Variants in ZNF347 observed in about 807,000 individuals in gnomAD.
ZNF347 encodes zinc finger protein 347, also known as CTD-2620I22.7.
In ZNF347, 19 loss-of-function variants were observed where a neutral mutation model predicts 12.9. The ratio of observed to expected loss-of-function variants is 1.47; its 90% CI spans 1.03 to 2.16. The LOEUF (loss-of-function observed/expected upper bound fraction) is 2.16, where lower values mean the gene tolerates loss of function less well. Ranked by LOEUF, ZNF347 falls within the 30% of genes most tolerant of loss-of-function variation. The pLI is 0.00. For missense variants in ZNF347, 1,005 were observed against 990.6 expected (o/e 1.01, Z -0.19); for synonymous variants, 328 against 340.6 (o/e 0.96, Z 0.41).
At chr19:53,151,949 C>T (rs62115499) in intron 2 of ZNF347, among the ~76,000 whole-genome samples, 101 of 151,690 alleles carry the variant, frequency 6.7e-4, no homozygotes, top group Admixed American at 2.1e-3. Context: ...AGAAATTAGC[C>T]GGGTGTGGTG....
intron 2 of ZNF347, among the ~76,000 whole-genome samples, chr19:53,151,962 G>A (rs771977660): frequency 6.6e-6 from 1 of 151,588 alleles, no homozygotes; most frequent in Non-Finnish European, 1.5e-5. Flanking sequence ...GTGTGGTGGT[G>A]GACATCTGTA....
rs140580030 is a variant in ZNF347, at chr19:53,140,656, T to G, written c.2172A>C (p.Leu724=). The change falls in exon 5 of 5, where the codon CTA becomes CTC. Residue 724 remains leucine, a synonymous_variant. Transcript: ENST00000334197. ...CAGTATGGATTGCCTGATGGGTAGT[T>G]AGGCTTGAACGGACACTAAAGGCTT... ...CGKAFSVRSS[L]TTHQAIHTGK... is the part of the protein sequence containing the mutation. The G allele has an allele frequency of 4.1e-4, 657 of 1,613,658 alleles. 2 individuals carry two copies. In the African/African-American group the frequency reaches 6.0e-3, roughly 15 times the overall value.
In ZNF347 at chr19:53,140,723, ACT is replaced by A. The variant is rs755067634; in HGVS notation, c.2103_2104del (p.Arg701SerfsTer9). 76 of 1,612,812 alleles carry A rather than the reference ACT, an allele frequency of 4.7e-5. No homozygotes were observed. Among genetic ancestry groups the A allele is most frequent in the Non-Finnish European group, 6.3e-5 (74 of 1,179,556 alleles). On this transcript the variant is annotated frameshift_variant, in exon 5 of 5. Coordinates refer to ENST00000334197, the MANE Select transcript of ZNF347 (RefSeq NM_032584.3). LOFTEE classifies it low-confidence loss of function (END_TRUNC). Reference sequence around the variant, plus strand: ...CTCATATGGTTTCTCTCCAGTATGAACTCTCTGATGCCTTGCAAGCTTTGATG... The same window carrying A: ...CTCATATGGTTTCTCTCCAGTATGAACTCTGATGCCTTGCAAGCTTTGATG...
chr19:53,153,999 G>A (rs1295883531), intron 1 of ZNF347, among the ~76,000 whole-genome samples: 1 of 152,110 alleles, frequency 6.6e-6, no homozygotes, highest in Non-Finnish European at 1.5e-5. Context: ...ATCAATAAGT[G>A]AGTTTCTGAC....
intron 4 of ZNF347, among the ~76,000 whole-genome samples, chr19:53,148,289 A>G (rs937330376): frequency 2.0e-5 from 3 of 152,258 alleles, no homozygotes; most frequent in African/African-American, 7.2e-5. Flanking sequence ...CTTAAAATTT[A>G]GCTAACTATA....
rs576247733 is a variant in ZNF347 at position 53,154,021 on chromosome 19, G to A, written c.-46-228C>T. Among the ~76,000 whole-genome samples, 26 of 152,152 alleles carry A rather than the reference G, an allele frequency of 1.7e-4. No individual in the cohort carries two copies. In the East Asian group the frequency reaches 3.9e-3, roughly 23 times the overall value. On this transcript the variant is annotated intron_variant, in intron 1 of 4. Transcript: ENST00000334197. ...AGTGAGTTTCTGACCCCTTTCTTCA[G>A]AACCCACTCTCCTCCTGGAGAAGCC...
intron 4 of ZNF347, among the ~76,000 whole-genome samples, chr19:53,148,339 T>C (rs1452268998): frequency 6.6e-6 from 1 of 152,198 alleles, no homozygotes; most frequent in Non-Finnish European, 1.5e-5. Context: ...GGGCATCAGA[T>C]AGAATCAACT....
intron 1 of ZNF347, among the ~76,000 whole-genome samples, chr19:53,155,177 A>T (rs951790499): frequency 1.3e-5 from 2 of 151,942 alleles, no homozygotes; most frequent in African/African-American, 2.4e-5. Context: ...ACCTCAAGGG[A>T]TCCACCTGCC....
chr19:53,140,295 A>T lies in ZNF347; in HGVS notation c.*13T>A, dbSNP rs1349326893. The T allele has an allele frequency of 6.6e-7, 1 of 1,525,534 alleles. No homozygotes were observed. Among genetic ancestry groups the T allele is most frequent in the Non-Finnish European group, 8.8e-7 (1 of 1,139,368 alleles). 94.5% of individuals were successfully genotyped at this position (1,525,534 alleles called of 1,614,324 possible). ...GCAAAAGTTACCACCTTCATTTGTAAGGTTTCTCTCCACTATGAATTCTGT... is the reference window on the plus strand; with the variant it reads ...GCAAAAGTTACCACCTTCATTTGTATGGTTTCTCTCCACTATGAATTCTGT... On this transcript the variant is annotated 3_prime_UTR_variant, in exon 5 of 5. Transcript: ENST00000334197.
chr19:53,152,555 C>T (rs562631424), intron 2 of ZNF347, among the ~76,000 whole-genome samples: 17 of 151,528 alleles, frequency 1.1e-4, no homozygotes, highest in Non-Finnish European at 2.2e-4. Context: ...TGCAGTGAGC[C>T]GAGATTGCAC....
In ZNF347 at chr19:53,142,480, C is replaced by T. The variant is rs1272251076; in HGVS notation, c.348G>A (p.Val116=). 1 of 1,613,884 alleles carries T rather than the reference C, an allele frequency of 6.2e-7. No homozygotes were observed. Among genetic ancestry groups the T allele is most frequent in the Non-Finnish European group, 8.5e-7 (1 of 1,179,920 alleles). ...KSNTGEVFQT[V]MLERQESQDI... ...CTTGGCTTTCCTGTCTTTCCAACATCACTGTTTGGAATACTTCTCCTGTAT... is the reference window on the plus strand; with the variant it reads ...CTTGGCTTTCCTGTCTTTCCAACATTACTGTTTGGAATACTTCTCCTGTAT... Residue 116 remains valine, a synonymous_variant, in exon 5 of 5, where the codon GTG becomes GTA. Transcript: ENST00000334197.
Position 53,141,457 on chromosome 19 carries a change from G to GT in ZNF347, c.1370dup (p.Tyr457Ter). The change falls in exon 5 of 5, where the codon TAC becomes TAAC. Residue 457 changes from tyrosine (Y) to a stop codon, truncating the protein, a stop_gained and frameshift_variant. Transcript: ENST00000334197. LOFTEE classifies it low-confidence loss of function (END_TRUNC). Reference sequence around the variant, plus strand: ...AGACCTTGCCGCATTCATGACATTTGTAAGGCTTTTCTCCGGTGTGAATTA... The same window carrying GT: ...AGACCTTGCCGCATTCATGACATTTGTTAAGGCTTTTCTCCGGTGTGAATTA... ...HLVIHTGEKP[Y>*]KCHECGKVFR... 1 of 1,613,888 alleles carries GT rather than the reference G, an allele frequency of 6.2e-7. No homozygotes were observed. Among genetic ancestry groups the GT allele is most frequent in the Non-Finnish European group, 8.5e-7 (1 of 1,179,982 alleles).
rs2146813541 is a variant in ZNF347 at position 53,153,774 on chromosome 19, CTCTTCT to C, written c.-33_-28del. On this transcript the variant is annotated 5_prime_UTR_variant, in exon 2 of 5. Coordinates refer to ENST00000334197, the MANE Select transcript of ZNF347 (RefSeq NM_032584.3). ...CCTGACTTGTCTTTCTTTCCTCTTCCTCTTCTTCAAGGGTTCTTCCTTAGGTAACAG... is the reference window on the plus strand; with the variant it reads ...CCTGACTTGTCTTTCTTTCCTCTTCCTCAAGGGTTCTTCCTTAGGTAACAG... 2.5e-6 allele frequency: 4 copies of C among 1,614,104 alleles called. No homozygotes were observed. In the South Asian group the frequency reaches 4.4e-5, roughly 18 times the overall value.
At chr19:53,155,082 C>T (rs997332250) in intron 1 of ZNF347, among the ~76,000 whole-genome samples, 4 of 151,732 alleles carry the variant, frequency 2.6e-5, no homozygotes, top group South Asian at 2.1e-4. Flanking sequence ...GGATCACAGG[C>T]GCGTGCCACT....
Position 53,139,308 on chromosome 19 carries a change from T to C in ZNF347, c.*1000A>G, listed in dbSNP as rs2146795299. 1 of 152,330 alleles carries C rather than the reference T, an allele frequency of 6.6e-6. No homozygotes were observed. Among genetic ancestry groups the C allele is most frequent in the African/African-American group, 2.4e-5 (1 of 41,584 alleles). 9.4% of individuals were successfully genotyped at this position (152,330 alleles called of 1,614,324 possible). On this transcript the variant is annotated 3_prime_UTR_variant, in exon 5 of 5. Transcript: ENST00000334197. ...CCATGGTCTCTCAATTGAGAGAATA[T>C]TTAATTTTACAAGGCAGAGTCCTCC... is the stretch of plus-strand genomic sequence containing the variant.
chr19:53,150,263 G>C (rs1389779108), intron 2 of ZNF347, among the ~76,000 whole-genome samples: 1 of 152,170 alleles, frequency 6.6e-6, no homozygotes. Flanking sequence ...GTGCAGAATT[G>C]CTCCCTTGGT....
At chr19:53,156,136 T>C (rs970891865) in intron 1 of ZNF347, among the ~76,000 whole-genome samples, 4 of 150,622 alleles carry the variant, frequency 2.7e-5, no homozygotes, top group South Asian at 2.1e-4. Context: ...CAGTGGCTCA[T>C]GCCTGTAGTC....
chr19:53,149,201 C>T, intron 3 of ZNF347, 40 bp downstream of exon 3: 3 of 1,605,974 alleles, frequency 1.9e-6, no homozygotes, highest in Admixed American at 1.7e-5. Flanking sequence ...AAAAGATACA[C>T]AGGGGCAGAT....
rs550013863 is a variant in ZNF347, at chr19:53,148,411, C to T, written c.271+270G>A. On this transcript the variant is annotated intron_variant, in intron 4 of 4. Transcript: ENST00000334197. ...TTGTAACAGCCCTCCCTGTGCCACA[C>T]GGAGTCAAGGAACCAGAGTTCTCAG... is the stretch of plus-strand genomic sequence containing the variant. Among the ~76,000 whole-genome samples, 21 of 152,278 alleles carry T rather than the reference C, an allele frequency of 1.4e-4. 1 individual carries two copies. Among genetic ancestry groups the T allele is most frequent in the East Asian group, 5.8e-4 (3 of 5,190 alleles).
Sources: gnomAD v4.1 joint callset for allele counts (sites outside exome capture counted in the v4.1 genomes callset) on GRCh38, gnomAD v4.1.1 for gene constraint, MANE v1.5 for transcripts, NCBI Gene and HGNC (gene_info 2026-07-23, HGNC 2026-07-21) for gene names.